The following COL6A3 variants were observed in gnomAD, a reference collection of about 807,000 sequenced individuals.
The protein encoded by COL6A3 is collagen type VI alpha 3 chain, also known as collagen alpha-3(VI) chain.
Under a neutral mutation model 274.1 loss-of-function variants are expected in COL6A3, and 137 were observed. That is an observed-to-expected ratio of 0.50 (90% CI 0.44 to 0.58). COL6A3 has a LOEUF of 0.58. COL6A3 is among the 20% of genes least tolerant of loss of function. COL6A3 has a pLI of 0.00. For synonymous variants in COL6A3, 1,650 were observed against 1,650.6 expected (o/e 1.00, Z 0.01); for missense variants, 3,950 against 4,124.9 (o/e 0.96, Z 1.16).
rs2077060526 is a variant in COL6A3 at position 237,344,632 on chromosome 2, G to C, written c.7386C>G (p.Asp2462Glu). ...CCAGGAGGACCGACTTCCTCTTGGA[G>C]TCAGCAAACCGGATCTCCGTGGTCA... is the stretch of plus-strand genomic sequence containing the variant. ...NEVTTEIRFA[D>E]SKRKSVLLDK... Residue 2462 changes from aspartate (D) to glutamate (E), a missense_variant, in exon 36 of 44, where the codon GAC becomes GAG. By Grantham distance (45) the Asp-to-Glu change is conservative (BLOSUM62 2). Around this residue, in one of 5 missense-constraint regions of COL6A3, gnomAD observed 1,284 missense variants for 1,349.7 expected, o/e 0.95. Coordinates refer to ENST00000295550, the MANE Select transcript of COL6A3 (RefSeq NM_004369.4). This position sits in a 1 kb window ranked among gnomAD's most constrained non-coding sequence, Gnocchi z 4.8. The C allele has an allele frequency of 1.2e-6, 2 of 1,614,182 alleles. No homozygotes were observed. The highest frequency in any genetic ancestry group is 1.7e-6 in the Non-Finnish European group (2 of 1,180,016).
At position 237,375,033 on chromosome 2, in the gene COL6A3, C is replaced by G. The variant is rs748225507; in HGVS notation, c.3071-13G>C. The G allele has an allele frequency of 3.1e-6, 5 of 1,612,902 alleles. No homozygotes were observed. The highest frequency in any genetic ancestry group is 4.2e-6 in the Non-Finnish European group (5 of 1,180,034). ...TTTTCACCTGAAACTGGGAGGAGGACAGCCTGGTAACTCACACAGGACATC... is the reference window on the plus strand; with the variant it reads ...TTTTCACCTGAAACTGGGAGGAGGAGAGCCTGGTAACTCACACAGGACATC... On this transcript the variant is annotated splice_polypyrimidine_tract_variant and intron_variant, in intron 7 of 43. Transcript: ENST00000295550.
chr2:237,386,539 G>A (rs4663737), intron 4 of COL6A3: 1 of 152,228 alleles, frequency 6.6e-6, no homozygotes, highest in African/African-American at 2.4e-5. Flanking sequence ...TTAGATGATT[G>A]GTTGCAGATG....
At chr2:237,404,961 T>A (rs1386623631) in intron 1 of COL6A3, among the ~76,000 whole-genome samples, 1 of 152,160 alleles carries the variant, frequency 6.6e-6, no homozygotes, top group African/African-American at 2.4e-5. Context: ...AGTAGCCCCC[T>A]CAGTGGAGAT....
Position 237,342,149 on chromosome 2 carries a change from C to T in COL6A3, c.7681G>A (p.Ala2561Thr). ...GGCAGGACAAGCGCATGCCCCACTGCTGTGTTATTGATCTGGTTTAAACAA... is the reference window on the plus strand; with the variant it reads ...GGCAGGACAAGCGCATGCCCCACTGTTGTGTTATTGATCTGGTTTAAACAA... ...LINALQINNT[A>T]VGHALVLPAG... Residue 2561 changes from alanine to threonine, a missense_variant, in exon 37 of 44, where the codon GCA becomes ACA. Transcript: ENST00000295550. 3 of 1,614,146 alleles carry T rather than the reference C, an allele frequency of 1.9e-6. No homozygotes were observed. The highest frequency in any genetic ancestry group is 2.5e-6 in the Non-Finnish European group (3 of 1,180,014).
chr2:237,332,070 CATATATATATATATATATAT>C lies in COL6A3; in HGVS notation c.9328+1360_9328+1379del, dbSNP rs58082340. Among the ~76,000 whole-genome samples the C allele has an allele frequency of 6.3e-3, 223 of 35,186 alleles. 14 individuals are homozygous for C. The highest frequency in any genetic ancestry group is 0.013 in the African/African-American group (186 of 14,486). The allele number at this position is 35,186 out of a possible 152,430, so 23.1% of individuals were successfully genotyped here. The stretch of plus-strand genomic sequence containing the variant: ...CCCCCCATCTCTCTCTCTCTCTCTA[CATATATATATATATATATAT>C]ATATATATATATATATATATATATA... On this transcript the variant is annotated intron_variant, in intron 42 of 43. Coordinates refer to ENST00000295550, the MANE Select transcript of COL6A3 (RefSeq NM_004369.4).
At chr2:237,347,069 G>C (rs1478216435) in intron 31 of COL6A3, among the ~76,000 whole-genome samples, 1 of 152,044 alleles carries the variant, frequency 6.6e-6, no homozygotes, top group Non-Finnish European at 1.5e-5. Flanking sequence ...GCCACAATTT[G>C]CTAATTGAAG....
chr2:237,386,437 T>G (rs1012893652), intron 4 of COL6A3: 1 of 152,252 alleles, frequency 6.6e-6, no homozygotes, highest in Non-Finnish European at 1.5e-5. Flanking sequence ...TAAAGCAGTA[T>G]CTTATTACAA....
chr2:237,410,281 C>G (rs2078823113), intron 1 of COL6A3, among the ~76,000 whole-genome samples: 1 of 150,768 alleles, frequency 6.6e-6, no homozygotes, highest in Admixed American at 6.6e-5. Context: ...GATGAACGTG[C>G]TAACTCAAAA....
chr2:237,356,354 A>G (rs752787840), intron 23 of COL6A3, among the ~76,000 whole-genome samples: 7 of 152,208 alleles, frequency 4.6e-5, no homozygotes, highest in Non-Finnish European at 1.0e-4. Flanking sequence ...GGTCTTTACA[A>G]TTTATTAAAA....
At position 237,368,959 on chromosome 2, in the gene COL6A3, C is replaced by T. The variant is rs201722265; in HGVS notation, c.4504G>A (p.Ala1502Thr). 46 of 1,614,214 alleles carry T rather than the reference C, an allele frequency of 2.8e-5. No individual in the cohort carries two copies. Among genetic ancestry groups the T allele is most frequent in the Non-Finnish European group, 3.7e-5 (44 of 1,180,036 alleles). Reference protein sequence around the residue: ...TYRSQAPVLDAIRRLRLRGGS... With the variant: ...TYRSQAPVLDTIRRLRLRGGS... Reference sequence around the variant, plus strand: ...CCTCTGAGCCTCAGGCGCCGTATGGCGTCCAGCACCGGGGCCTGGGATCTG... The same window carrying T: ...CCTCTGAGCCTCAGGCGCCGTATGGTGTCCAGCACCGGGGCCTGGGATCTG... The change falls in exon 10 of 44, where the codon GCC (alanine) becomes ACC (threonine). Residue 1502 changes from alanine (A) to threonine (T), a missense_variant. By Grantham distance (58) the Ala-to-Thr change is moderately conservative (BLOSUM62 0). Around this residue, in one of 5 missense-constraint regions of COL6A3, gnomAD observed 1,934 missense variants for 1,984.3 expected, o/e 0.97. Transcript: ENST00000295550. The surrounding 1 kb of genome is among the most constrained non-coding windows in gnomAD (Gnocchi z 4.4).
At chr2:237,330,561 G>T (rs898771034) in intron 42 of COL6A3, among the ~76,000 whole-genome samples, 5 of 152,158 alleles carry the variant, frequency 3.3e-5, no homozygotes, top group African/African-American at 1.2e-4. Flanking sequence ...CTGGAATCCT[G>T]AGTGGTTGCT....
In COL6A3 at chr2:237,369,375, A is replaced by C. The variant is rs76659869; in HGVS notation, c.4286-198T>G. 1.0e-3 allele frequency among the ~76,000 whole-genome samples: 158 copies of C among 152,330 alleles called. 3 individuals are homozygous for C. The East Asian group carries it at 0.03, about 28-fold the overall frequency. On this transcript the variant is annotated intron_variant, in intron 9 of 43. Transcript: ENST00000295550. ...CACCAAAACAATTTCTGCTCCTTGA[A>C]ATATTTGAAGTTATCCAAAACGTGT...
chr2:237,412,945 G>A (rs1421045674), intron 1 of COL6A3, among the ~76,000 whole-genome samples: 1 of 152,166 alleles, frequency 6.6e-6, no homozygotes, highest in East Asian at 1.9e-4. Flanking sequence ...ACTGGCTCCT[G>A]GGGCTTCCTG....
At position 237,407,026 on chromosome 2, in the gene COL6A3, C is replaced by T. The variant is rs1253162337; in HGVS notation, c.-31+6927G>A. ...CTGAGATCAAGCAATCCTCCCACCT[C>T]AGCCTCCCAAGTAGCTAGGACTACA... On this transcript the variant is annotated intron_variant, in intron 1 of 43. Coordinates refer to ENST00000295550, the MANE Select transcript of COL6A3 (RefSeq NM_004369.4). This position sits in a 1 kb window ranked among gnomAD's most constrained non-coding sequence, Gnocchi z 4.3. Among the ~76,000 whole-genome samples the T allele has an allele frequency of 6.6e-6, 1 of 151,248 alleles. No individual in the cohort carries two copies.
In COL6A3 at chr2:237,333,458, G is replaced by C; in HGVS notation, c.9320C>G (p.Thr3107Ser). 4.3e-6 allele frequency: 7 copies of C among 1,613,972 alleles called. No individual in the cohort carries two copies. Among genetic ancestry groups the C allele is most frequent in the Non-Finnish European group, 5.9e-6 (7 of 1,179,816 alleles). ...LMVSTEPLAL[T>S]ETDICKLPKD... ...ATAGTTTCACAACTCACCTGTTTCA[G>C]TGAGAGCCAATGGTTCTGTGCTCAC... The change falls in exon 42 of 44, where the codon ACT (threonine) becomes AGT (serine). Residue 3107 changes from threonine to serine, a missense_variant. Around this residue, in one of 5 missense-constraint regions of COL6A3, gnomAD observed 1,284 missense variants for 1,349.7 expected, o/e 0.95. Coordinates refer to ENST00000295550, the MANE Select transcript of COL6A3 (RefSeq NM_004369.4).
rs1327434207 is a variant in COL6A3, at chr2:237,325,603, G to T, written c.9450C>A (p.Asn3150Lys). The change falls in exon 43 of 44, where the codon AAC becomes AAA. Residue 3150 changes from asparagine to lysine, a missense_variant. By Grantham distance (94) the Asn-to-Lys change is moderately conservative. Around this residue, in one of 5 missense-constraint regions of COL6A3, gnomAD observed 1,284 missense variants for 1,349.7 expected, o/e 0.95. Coordinates refer to ENST00000295550, the MANE Select transcript of COL6A3 (RefSeq NM_004369.4). ...FWYGGCGGNE[N>K]KFGSQKECEK... ...CACATTCTTTCTGTGATCCAAATTT[G>T]TTTTCGTTTCCACCACAACCTCCAT... 6.2e-7 allele frequency: 1 copy of T among 1,614,134 alleles called. No homozygotes were observed. The highest frequency in any genetic ancestry group is 8.5e-7 in the Non-Finnish European group (1 of 1,180,022).
chr2:237,381,810 T>C (rs971335943), intron 4 of COL6A3, among the ~76,000 whole-genome samples: 3 of 152,190 alleles, frequency 2.0e-5, no homozygotes, highest in African/African-American at 7.2e-5. Flanking sequence ...CAATAAGTTC[T>C]CTTCTGCCGT....
chr2:237,359,405 T>A lies in COL6A3; in HGVS notation c.6283-17A>T. 6.2e-7 allele frequency: 1 copy of A among 1,613,672 alleles called. No homozygotes were observed. On this transcript the variant is annotated splice_polypyrimidine_tract_variant and intron_variant, in intron 17 of 43. Transcript: ENST00000295550. ...CCGAGAGCCCTAGAAGGCAAGGCGA[T>A]AGGGGAAGCATTAGCTTTTCCTGCA...
rs1157010537 is a variant in COL6A3, at chr2:237,360,049, C to T, written c.6282+39G>A. 2.5e-6 allele frequency: 4 copies of T among 1,606,932 alleles called. No individual in the cohort carries two copies. In the East Asian group the frequency reaches 6.7e-5, roughly 27 times the overall value. On this transcript the variant is annotated intron_variant, in intron 17 of 43. Transcript: ENST00000295550. ...TCTGGAGAAACTGCGAGTCACCTGA[C>T]CCCTCCCCACGCTAGCAACCCCATC...
Sources: gnomAD v4.1 joint callset for allele counts (sites outside exome capture counted in the v4.1 genomes callset) on GRCh38, gnomAD v4.1.1 for gene constraint, gnomAD v4.1.1 regional missense constraint, Gnocchi (gnomAD v3.1) non-coding constraint, MANE v1.5 for transcripts, NCBI Gene and HGNC (gene_info 2026-07-23, HGNC 2026-07-21) for gene names.